Variants in CELF2 observed in about 807,000 individuals in gnomAD.
CELF2 encodes CUG triplet repeat RNA-binding protein 2.
Under a neutral mutation model 62.6 loss-of-function variants are expected in CELF2, and 8 were observed. That is an observed-to-expected ratio of 0.13 (90% CI 0.07 to 0.23). CELF2 has a LOEUF of 0.23. CELF2 is among the 10% of genes least tolerant of loss of function. The pLI is 1.00. For missense variants in CELF2, 333 were observed against 671.0 expected, an observed-to-expected ratio of 0.50 and a Z score of 5.56; for synonymous variants, 258 against 250.0, an observed-to-expected ratio of 1.03 and a Z score of -0.30.
the CELF2 span, among the ~76,000 whole-genome samples, chr10:10,477,887 G>A: frequency 1.3e-5 from 2 of 151,948 alleles, no homozygotes; most frequent in Admixed American, 1.3e-4. Context: ...CATTCCTGAT[G>A]TTCCCCAAGG....
chr10:10,853,519 T>C (rs905235633), intron 1 of CELF2, among the ~76,000 whole-genome samples: 3 of 151,972 alleles, frequency 2.0e-5, no homozygotes, highest in Non-Finnish European at 2.9e-5. Flanking sequence ...GAAACATAAC[T>C]ACACTCGTAG....
At chr10:10,892,476 G>C (rs963576060) in intron 1 of CELF2, among the ~76,000 whole-genome samples, 4 of 151,998 alleles carry the variant, frequency 2.6e-5, no homozygotes, top group Admixed American at 2.6e-4. Context: ...ACCCTTTTTT[G>C]TTCCTGTAGA....
chr10:10,756,128 T>C, the CELF2 span, among the ~76,000 whole-genome samples: 2 of 152,246 alleles, frequency 1.3e-5, no homozygotes, highest in Non-Finnish European at 2.9e-5. Context: ...TTCTGTATTC[T>C]GCATACCTGA....
intron 2 of CELF2, among the ~76,000 whole-genome samples, chr10:10,964,723 G>A (rs1762055902): frequency 1.3e-5 from 2 of 152,296 alleles, no homozygotes; most frequent in African/African-American, 2.4e-5. Flanking sequence ...TTCTCATAGT[G>A]CCACTTTAGA....
chr10:10,665,974 G>C, the CELF2 span, among the ~76,000 whole-genome samples: 1 of 152,174 alleles, frequency 6.6e-6, no homozygotes, highest in Non-Finnish European at 1.5e-5. Flanking sequence ...GCCAAGGCCC[G>C]GTGATACGAA....
intron 1 of CELF2, among the ~76,000 whole-genome samples, chr10:11,143,425 T>C (rs987581568): frequency 2.6e-5 from 4 of 152,228 alleles, no homozygotes; most frequent in African/African-American, 9.6e-5. Flanking sequence ...AAGATCGCCA[T>C]ATGTGTGCTT....
chr10:11,295,738 T>A (rs985202939), intron 9 of CELF2, among the ~76,000 whole-genome samples: 1 of 152,204 alleles, frequency 6.6e-6, no homozygotes, highest in African/African-American at 2.4e-5. Flanking sequence ...AGACTGATAC[T>A]GTTGGGGAGA....
At chr10:10,973,385 C>A (rs1460346449) in intron 2 of CELF2, among the ~76,000 whole-genome samples, 1 of 152,122 alleles carries the variant, frequency 6.6e-6, no homozygotes, top group Non-Finnish European at 1.5e-5. Flanking sequence ...CCCACCTCAG[C>A]AGAGGCAAGA....
At chr10:10,892,692 A>C (rs565233059) in intron 1 of CELF2, among the ~76,000 whole-genome samples, 1 of 152,296 alleles carries the variant, frequency 6.6e-6, no homozygotes, top group African/African-American at 2.4e-5. Flanking sequence ...AACTTGGACA[A>C]TGTGTCATTC....
intron 4 of CELF2, 86 bp downstream of exon 4, chr10:11,249,287 A>G: frequency 1.8e-6 from 2 of 1,093,466 alleles, no homozygotes; most frequent in Non-Finnish European, 2.8e-6. Context: ...AAGCCGGCCC[A>G]GCTGCTTTTC....
intron 9 of CELF2, among the ~76,000 whole-genome samples, chr10:11,304,352 C>A (rs2094028943): frequency 6.6e-6 from 1 of 152,196 alleles, no homozygotes; most frequent in South Asian, 2.1e-4. Flanking sequence ...TCCACAATAA[C>A]CTCCCCCATC....
At chr10:11,134,431 G>A (rs2060102690) in intron 1 of CELF2, among the ~76,000 whole-genome samples, 1 of 152,246 alleles carries the variant, frequency 6.6e-6, no homozygotes, top group South Asian at 2.1e-4. Context: ...GGGAAGGCTT[G>A]CATAGAATTA....
At chr10:11,084,758 A>C (rs773093149) in intron 1 of CELF2, among the ~76,000 whole-genome samples, 18 of 152,156 alleles carry the variant, frequency 1.2e-4, no homozygotes, top group Non-Finnish European at 2.1e-4. Flanking sequence ...AAAAGAAAAA[A>C]AAACCCACGG....
At chr10:11,099,161 G>A in intron 1 of CELF2, among the ~76,000 whole-genome samples, 1 of 152,264 alleles carries the variant, frequency 6.6e-6, no homozygotes, top group East Asian at 1.9e-4. Flanking sequence ...CATGAAATGT[G>A]ATTTTATGAG....
rs2093202051 is a variant in CELF2, at chr10:11,296,509, A to G, written c.976+7957A>G. On this transcript the variant is annotated intron_variant, in intron 9 of 12. Transcript: ENST00000633077. The surrounding 1 kb of genome is among the most constrained non-coding windows in gnomAD (Gnocchi z 5.0). ...AGCATGTGTTGCTTAATTGTGTTAT[A>G]TTAGGTGGGAAAATCAGCAAAGCTT... Among the ~76,000 whole-genome samples the G allele has an allele frequency of 6.6e-6, 1 of 152,210 alleles. No homozygotes were observed. Among genetic ancestry groups the G allele is most frequent in the Non-Finnish European group, 1.5e-5 (1 of 68,030 alleles).
chr10:10,751,201 A>G, the CELF2 span, among the ~76,000 whole-genome samples: 2 of 152,330 alleles, frequency 1.3e-5, no homozygotes, highest in South Asian at 4.1e-4. Flanking sequence ...GAGTGCATTT[A>G]TAAATCAGAT....
In CELF2 at chr10:11,334,884, T is replaced by C. The variant is rs1394748217; in HGVS notation, c.*5831T>C. The C allele has an allele frequency of 5.3e-5, 8 of 152,366 alleles. No homozygotes were observed. The highest frequency in any genetic ancestry group is 4.6e-4 in the Admixed American group (7 of 15,310). 9.4% of individuals were successfully genotyped at this position (152,366 alleles called of 1,614,324 possible). Reference sequence around the variant, plus strand: ...TGAAAAGGGTTAAACTTAAGTCTATTATTTGTTGCCCTCAATCAAAAGATA... The same window carrying C: ...TGAAAAGGGTTAAACTTAAGTCTATCATTTGTTGCCCTCAATCAAAAGATA... On this transcript the variant is annotated 3_prime_UTR_variant, in exon 13 of 13. Transcript: ENST00000633077.
At chr10:11,248,662 A>G (rs1306570390) in intron 3 of CELF2, among the ~76,000 whole-genome samples, 1 of 152,252 alleles carries the variant, frequency 6.6e-6, no homozygotes, top group African/African-American at 2.4e-5. Flanking sequence ...TACAATAACA[A>G]TAGCTAAGTT....
intron 1 of CELF2, among the ~76,000 whole-genome samples, chr10:10,854,069 A>G (rs1214736537): frequency 6.6e-6 from 1 of 152,206 alleles, no homozygotes; most frequent in Non-Finnish European, 1.5e-5. Flanking sequence ...TTTAAAATGC[A>G]CATTTTCCTG....
Sources: allele counts gnomAD v4.1 joint callset (sites outside exome capture counted in the v4.1 genomes callset), GRCh38; gene constraint gnomAD v4.1.1; non-coding constraint Gnocchi (gnomAD v3.1); transcripts MANE v1.5; gene names NCBI Gene and HGNC (gene_info 2026-07-23, HGNC 2026-07-21).